The following GSE1 variants were observed in gnomAD, a reference collection of about 807,000 sequenced individuals.
GSE1 encodes the protein genetic suppressor element 1.
Under a neutral mutation model 112.6 loss-of-function variants are expected in GSE1, and 32 were observed. That is an observed-to-expected ratio of 0.28 (90% CI 0.21 to 0.38). The LOEUF (loss-of-function observed/expected upper bound fraction) is 0.38, where lower values mean the gene tolerates loss of function less well. Among genes scored for constraint, GSE1 ranks in the 10% least tolerant of loss-of-function variants. The pLI, the probability that GSE1 is intolerant of heterozygous loss-of-function variation, is 1.00. For missense variants in GSE1, 2,348 were observed against 1,699.2 expected, an observed-to-expected ratio of 1.38 and a Z score of -6.71; for synonymous variants, 1,115 against 735.6, an observed-to-expected ratio of 1.52 and a Z score of -8.35.
At chr16:85,348,345 A>G (rs2046786282) in intron 1 of GSE1, among the ~76,000 whole-genome samples, 1 of 151,774 alleles carries the variant, frequency 6.6e-6, no homozygotes, top group African/African-American at 2.4e-5. Context: ...CCATCTGTCC[A>G]TTCAGTCCAT....
At chr16:85,670,349 G>T (rs1216025338) in intron 14 of GSE1, among the ~76,000 whole-genome samples, 1 of 152,198 alleles carries the variant, frequency 6.6e-6, no homozygotes, top group Non-Finnish European at 1.5e-5. Flanking sequence ...AAAGAGTGAA[G>T]GTTCCCATTT....
exon 1 of GSE1, chr16:85,556,139 G>A (rs1294107087): frequency 8.3e-6 from 8 of 964,764 alleles, no homozygotes; most frequent in Non-Finnish European, 8.5e-6. Flanking sequence ...ATCATCTTGC[G>A]GGGCGGGGGG....
chr16:85,223,169 C>A (rs183123074), intron 1 of GSE1, among the ~76,000 whole-genome samples: 19 of 152,188 alleles, frequency 1.2e-4, no homozygotes, highest in Non-Finnish European at 2.9e-5. Context: ...AAATCCTACA[C>A]GCTCCTGAAT....
At chr16:85,269,204 C>T (rs1273601193) in intron 1 of GSE1, among the ~76,000 whole-genome samples, 1 of 149,480 alleles carries the variant, frequency 6.7e-6, no homozygotes, top group African/African-American at 2.4e-5. Context: ...GAGCCACCCC[C>T]ACCTCCAATT....
At chr16:85,261,271 C>A (rs1181867792) in intron 1 of GSE1, among the ~76,000 whole-genome samples, 15 of 152,232 alleles carry the variant, frequency 9.9e-5, no homozygotes, top group African/African-American at 3.1e-4. Flanking sequence ...GCTTGCCTGT[C>A]ATACCTACCC....
In GSE1 at chr16:85,260,625, G is replaced by C. The variant is rs143280624; in HGVS notation, c.2283+88818G>C. Among the ~76,000 whole-genome samples, 128 of 152,290 alleles carry C rather than the reference G, an allele frequency of 8.4e-4. 1 individual carries two copies. Among genetic ancestry groups the C allele is most frequent in the East Asian group, 2.7e-3 (14 of 5,182 alleles). ...GGCATGAGCCACCGCACCCAGCCAG[G>C]TCAAACATTTCAACTCAGCGACTAC... On this transcript the variant is annotated intron_variant, in intron 1 of 2. Transcript: ENST00000637419.
intron 1 of GSE1, among the ~76,000 whole-genome samples, chr16:85,632,064 C>T (rs1472467281): frequency 6.6e-6 from 1 of 152,238 alleles, no homozygotes; most frequent in African/African-American, 2.4e-5. Flanking sequence ...GGCTGCCAGG[C>T]AGAGCCCCCG....
At chr16:85,234,241 C>G (rs1219026794) in intron 1 of GSE1, among the ~76,000 whole-genome samples, 1 of 152,130 alleles carries the variant, frequency 6.6e-6, no homozygotes, top group Non-Finnish European at 1.5e-5. Context: ...CTGAGTGATG[C>G]TAGGCTAGTC....
intron 2 of GSE1, among the ~76,000 whole-genome samples, chr16:85,638,432 G>C (rs917388977): frequency 2.0e-5 from 3 of 152,200 alleles, no homozygotes; most frequent in Non-Finnish European, 4.4e-5. Context: ...GGGCGCTTTG[G>C]GCAAGGGCAG....
chr16:85,571,532 A>G lies in GSE1; in HGVS notation c.37+15169A>G, dbSNP rs150748519. Reference sequence around the variant, plus strand: ...CAGAAGCTGGAAGGCTGGGCCTGCAATCCTCGGAGCGATACTGGCACGGGC... The same window carrying G: ...CAGAAGCTGGAAGGCTGGGCCTGCAGTCCTCGGAGCGATACTGGCACGGGC... On this transcript the variant is annotated intron_variant, in intron 1 of 2. Coordinates refer to the GSE1 transcript ENST00000635906. 2.5e-3 allele frequency among the ~76,000 whole-genome samples: 384 copies of G among 152,236 alleles called. 4 individuals are homozygous for G. Among genetic ancestry groups the G allele is most frequent in the African/African-American group, 8.6e-3 (357 of 41,542 alleles).
chr16:85,317,514 C>G (rs1010249813), intron 1 of GSE1, among the ~76,000 whole-genome samples: 3 of 152,176 alleles, frequency 2.0e-5, no homozygotes, highest in South Asian at 2.1e-4. Flanking sequence ...CTGCACAGCC[C>G]CCGTGGTCCG....
chr16:85,604,444 T>C lies in GSE1; in HGVS notation c.38-44108T>C, dbSNP rs142482974. Among the ~76,000 whole-genome samples the C allele has an allele frequency of 1.1e-3, 160 of 152,166 alleles. 4 individuals are homozygous for C. The highest frequency in any genetic ancestry group is 7.8e-3 in the Admixed American group (119 of 15,272). ...CATGTAGGTTTTCACTTTTTGGCTA[T>C]GATGAGCCATGCTGATAGGAACATC... On this transcript the variant is annotated intron_variant, in intron 1 of 2. Coordinates refer to the GSE1 transcript ENST00000635906.
At chr16:85,455,073 G>A (rs1042127999) in intron 2 of GSE1, among the ~76,000 whole-genome samples, 7 of 152,340 alleles carry the variant, frequency 4.6e-5, no homozygotes, top group South Asian at 4.1e-4. Flanking sequence ...ACGAGGCTTC[G>A]TAAGCATCAG....
intron 1 of GSE1, among the ~76,000 whole-genome samples, chr16:85,239,251 C>T (rs928121421): frequency 1.3e-4 from 20 of 152,066 alleles, no homozygotes; most frequent in Non-Finnish European, 2.4e-4. Context: ...CCTTTTTTAG[C>T]GAAAGTCATT....
chr16:85,397,760 G>A (rs1449497329), intron 2 of GSE1, among the ~76,000 whole-genome samples: 2 of 152,206 alleles, frequency 1.3e-5, no homozygotes, highest in African/African-American at 2.4e-5. Context: ...CTGGGCTGTG[G>A]GACTGCAATG....
intron 1 of GSE1, among the ~76,000 whole-genome samples, chr16:85,206,745 G>T (rs1443920230): frequency 6.6e-6 from 1 of 151,802 alleles, no homozygotes; most frequent in African/African-American, 2.4e-5. Flanking sequence ...GCCTCTTGGA[G>T]AAAGGGGGAA....
intron 1 of GSE1, among the ~76,000 whole-genome samples, chr16:85,275,717 C>G (rs1029049794): frequency 7.2e-5 from 11 of 152,182 alleles, no homozygotes; most frequent in African/African-American, 2.2e-4. Context: ...AAGCTGCAGC[C>G]CTCCGCGTGG....
At chr16:85,271,213 G>A (rs985409936) in intron 1 of GSE1, among the ~76,000 whole-genome samples, 17 of 152,136 alleles carry the variant, frequency 1.1e-4, no homozygotes, top group Non-Finnish European at 2.4e-4. Context: ...TGTCTCTCAC[G>A]GTGGGTCCCA....
Position 85,668,258 on chromosome 16 carries a change from G to A in GSE1, c.3249G>A (p.Gln1083=), listed in dbSNP as rs746749811. The part of the protein sequence containing the change: ...RAPPPQHNGQ[Q]EPPTARKGPP... The stretch of plus-strand genomic sequence containing the variant: ...CTCCACCCCAGCACAATGGGCAGCA[G>A]GAGCCCCCCACTGCAAGGAAGGGCC... Residue 1083 remains glutamine (Q), a synonymous_variant, in exon 14 of 16, where the codon CAG becomes CAA. Transcript: ENST00000253458. The A allele has an allele frequency of 9.9e-6, 16 of 1,611,772 alleles. 1 individual carries two copies. In the South Asian group the frequency reaches 1.6e-4, roughly 17 times the overall value.
Sources: gnomAD v4.1 joint callset for allele counts (sites outside exome capture counted in the v4.1 genomes callset) on GRCh38, gnomAD v4.1.1 for gene constraint, MANE v1.5 for transcripts, NCBI Gene and HGNC (gene_info 2026-07-23, HGNC 2026-07-21) for gene names.